KAZN: variants seen among roughly 807,000 people sequenced by gnomAD.
KAZN encodes kazrin, periplakin interacting protein, also known as kazrin.
In KAZN, 40 loss-of-function variants were observed where a neutral mutation model predicts 87.4. That is an observed-to-expected ratio of 0.46 (90% CI 0.36 to 0.60). The LOEUF (loss-of-function observed/expected upper bound fraction) is 0.60, where lower values mean the gene tolerates loss of function less well. KAZN is among the 20% of genes least tolerant of loss of function. KAZN has a pLI of 0.00. For missense variants in KAZN, 898 were observed against 1,073.9 expected, an observed-to-expected ratio of 0.84 and a Z score of 2.29; for synonymous variants, 466 against 458.3, an observed-to-expected ratio of 1.02 and a Z score of -0.22.
intron 2 of KAZN, among the ~76,000 whole-genome samples, chr1:14,442,264 C>T (rs538078600): frequency 7.9e-5 from 12 of 152,318 alleles, no homozygotes; most frequent in African/African-American, 2.6e-4. Context: ...TGGCAATATA[C>T]TTATACTTTT....
intron 2 of KAZN, among the ~76,000 whole-genome samples, chr1:14,546,778 A>G (rs1673173363): frequency 6.6e-6 from 1 of 152,202 alleles, no homozygotes; most frequent in African/African-American, 2.4e-5. Context: ...GATGTGAAGG[A>G]TGTTTATCAG....
At chr1:14,012,737 G>A (rs1331905123) in intron 1 of KAZN, among the ~76,000 whole-genome samples, 2 of 152,122 alleles carry the variant, frequency 1.3e-5, no homozygotes, top group African/African-American at 2.4e-5. Context: ...TCCAGGAGGC[G>A]GAGGTTGCAG....
At chr1:15,090,979 G>C (rs1640507395) in intron 8 of KAZN, among the ~76,000 whole-genome samples, 1 of 152,168 alleles carries the variant, frequency 6.6e-6, no homozygotes, top group Non-Finnish European at 1.5e-5. Flanking sequence ...TGGAGAGAGG[G>C]AAGGCCTTGT....
At chr1:14,501,588 A>G in intron 2 of KAZN, among the ~76,000 whole-genome samples, 1 of 152,222 alleles carries the variant, frequency 6.6e-6, no homozygotes, top group Non-Finnish European at 1.5e-5. Flanking sequence ...AGTCAACAAC[A>G]GAGGTGCAAG....
intron 1 of KAZN, among the ~76,000 whole-genome samples, chr1:14,625,512 C>G (rs1679069547): frequency 6.6e-6 from 1 of 152,154 alleles, no homozygotes; most frequent in Admixed American, 6.5e-5. Flanking sequence ...AAAAAAGCCC[C>G]AAAGAGGCTT....
At chr1:15,100,602 T>C (rs1641017189) in intron 10 of KAZN, among the ~76,000 whole-genome samples, 1 of 152,200 alleles carries the variant, frequency 6.6e-6, no homozygotes, top group South Asian at 2.1e-4. Context: ...ATTCACCGGC[T>C]TGAAAATTCA....
intron 1 of KAZN, among the ~76,000 whole-genome samples, chr1:14,765,107 G>A (rs1030203347): frequency 3.3e-5 from 5 of 152,226 alleles, no homozygotes; most frequent in Non-Finnish European, 5.9e-5. Flanking sequence ...CACTGTTGGT[G>A]TTTGGGACTG....
chr1:14,664,968 T>A (rs913471896), intron 1 of KAZN, among the ~76,000 whole-genome samples: 6 of 152,238 alleles, frequency 3.9e-5, no homozygotes, highest in Non-Finnish European at 7.3e-5. Context: ...TCCATATTTT[T>A]ATTTGGCTCC....
chr1:14,966,176 C>T (rs1664439087), intron 2 of KAZN, among the ~76,000 whole-genome samples: 1 of 151,944 alleles, frequency 6.6e-6, no homozygotes, highest in African/African-American at 2.4e-5. Context: ...GACAGGATTT[C>T]ACCGTGTTGC....
At chr1:14,883,318 A>AGAGAGAGAGAG (rs1653557416) in intron 1 of KAZN, among the ~76,000 whole-genome samples, 5 of 38,586 alleles carry the variant, frequency 1.3e-4, no homozygotes, top group Non-Finnish European at 2.7e-4. Flanking sequence ...GAAAGAAAGA[A>AGAGAGAGAGAG]AGAGAGAGAG....
chr1:14,421,505 G>A (rs1047569213), intron 2 of KAZN, among the ~76,000 whole-genome samples: 6 of 152,134 alleles, frequency 3.9e-5, no homozygotes, highest in African/African-American at 1.4e-4. Flanking sequence ...ACTATGCACA[G>A]TTGATTGTTC....
intron 2 of KAZN, among the ~76,000 whole-genome samples, chr1:14,972,284 G>A (rs991984575): frequency 2.0e-5 from 3 of 152,244 alleles, no homozygotes; most frequent in African/African-American, 7.2e-5. Context: ...AGCCACGCTG[G>A]CCTCCATCCC....
intron 1 of KAZN, chr1:14,929,740 A>C (rs116201322): frequency 1.0e-6 from 1 of 983,350 alleles, no homozygotes; most frequent in African/African-American, 1.7e-5. Flanking sequence ...GAGTTATTTT[A>C]ATGGATTTAC....
intron 1 of KAZN, among the ~76,000 whole-genome samples, chr1:14,084,282 G>A (rs2101599669): frequency 6.6e-6 from 1 of 152,340 alleles, no homozygotes; most frequent in South Asian, 2.1e-4. Context: ...TGGCCTTGGA[G>A]GGAGGGAACT....
chr1:14,815,940 G>A (rs765850742), intron 1 of KAZN, among the ~76,000 whole-genome samples: 45 of 152,226 alleles, frequency 3.0e-4, no homozygotes, highest in Middle Eastern at 3.4e-3. Flanking sequence ...AATGAACCCC[G>A]AGTACACACA....
chr1:14,681,325 T>C (rs1640557833), intron 1 of KAZN, among the ~76,000 whole-genome samples: 1 of 152,170 alleles, frequency 6.6e-6, no homozygotes, highest in Non-Finnish European at 1.5e-5. Context: ...GTAAAGCTAC[T>C]ATGGACATTT....
intron 2 of KAZN, among the ~76,000 whole-genome samples, chr1:14,307,564 T>A (rs766732994): frequency 6.6e-6 from 1 of 152,228 alleles, no homozygotes; most frequent in African/African-American, 2.4e-5. Context: ...AAGACCATTA[T>A]CTATGCTAGT....
At chr1:14,417,000 GTATA>G (rs1395641634) in intron 2 of KAZN, among the ~76,000 whole-genome samples, 1 of 80,888 alleles carries the variant, frequency 1.2e-5, no homozygotes, top group Admixed American at 1.7e-4. Flanking sequence ...ATGTGTGTAT[GTATA>G]TATATGTACA....
intron 13 of KAZN, among the ~76,000 whole-genome samples, chr1:15,109,765 GTATGTC>G (rs1362113487): frequency 2.2e-5 from 1 of 44,954 alleles, no homozygotes; most frequent in Non-Finnish European, 3.8e-5. Context: ...GTTTGTGTCT[GTATGTC>G]TGTGTATATA....
Sources: allele counts gnomAD v4.1 joint callset (sites outside exome capture counted in the v4.1 genomes callset), GRCh38; gene constraint gnomAD v4.1.1; transcripts MANE v1.5; gene names NCBI Gene and HGNC (gene_info 2026-07-23, HGNC 2026-07-21).